Variants in ELAPOR1 observed in about 807,000 individuals in gnomAD.
The protein encoded by ELAPOR1 is endosome-lysosome associated apoptosis and autophagy regulator 1.
ELAPOR1 carries 77 observed loss-of-function variants against 119.7 expected under a neutral mutation model. The ratio of observed to expected loss-of-function variants is 0.64; its 90% CI spans 0.54 to 0.78. The LOEUF is 0.78. Among genes scored for constraint, ELAPOR1 ranks in the 30% least tolerant of loss-of-function variants. The probability of loss-of-function intolerance (pLI) is 0.00; values close to 1 mark genes in which losing one functional copy is unlikely to be tolerated. For missense variants in ELAPOR1, 1,115 were observed against 1,270.4 expected (o/e 0.88, Z 1.86); for synonymous variants, 481 against 487.2 (o/e 0.99, Z 0.17).
chr1:109,160,360 A>G (rs1034286985), intron 1 of ELAPOR1, among the ~76,000 whole-genome samples: 8 of 152,148 alleles, frequency 5.3e-5, no homozygotes, highest in African/African-American at 1.9e-4. Flanking sequence ...ACAAGTCTGA[A>G]ATGCCACTGC....
intron 2 of ELAPOR1, among the ~76,000 whole-genome samples, chr1:109,163,483 C>G (rs1558042190): frequency 6.6e-6 from 1 of 152,160 alleles, no homozygotes; most frequent in Non-Finnish European, 1.5e-5. Flanking sequence ...GCCTCGACCT[C>G]CTGGGCTCAA....
chr1:109,161,809 G>A, intron 1 of ELAPOR1, 85 bp from the exon 2 acceptor site: 1 of 1,481,144 alleles, frequency 6.8e-7, no homozygotes, highest in Non-Finnish European at 9.2e-7. Context: ...AGCATCAGTA[G>A]CCATGGTGCT....
In ELAPOR1 at chr1:109,197,490, T is replaced by A. The variant is rs2101132359; in HGVS notation, c.2138T>A (p.Val713Glu). 1 of 1,614,106 alleles carries A rather than the reference T, an allele frequency of 6.2e-7. No homozygotes were observed. Among genetic ancestry groups the A allele is most frequent in the Admixed American group, 1.7e-5 (1 of 60,022 alleles). The stretch of plus-strand genomic sequence containing the variant: ...CCCAACCAGGGTAGGAAAATGTCTG[T>A]GTGCACCGACAATGTCACTGACCTC... ...LCGNQGRKMS[V>E]CTDNVTDLRI... The change falls in exon 16 of 22, where the codon GTG becomes GAG. Residue 713 changes from valine to glutamate, a missense_variant. Physicochemically the swap from Val to Glu is moderately radical, Grantham distance 121. Transcript: ENST00000369939.
intron 3 of ELAPOR1, among the ~76,000 whole-genome samples, chr1:109,165,941 A>T (rs1651573597): frequency 6.8e-6 from 1 of 147,754 alleles, no homozygotes. Context: ...TTTGAGATGG[A>T]GTCTCGCTCT....
chr1:109,123,521 T>A (rs926867597), intron 1 of ELAPOR1, among the ~76,000 whole-genome samples: 5 of 152,188 alleles, frequency 3.3e-5, no homozygotes, highest in African/African-American at 9.7e-5. Flanking sequence ...AATTGCATAG[T>A]CAAGGAAAAG....
intron 7 of ELAPOR1, among the ~76,000 whole-genome samples, chr1:109,183,592 C>CCTTTCTTCCTTT (rs1558058171): frequency 2.6e-5 from 2 of 77,586 alleles, no homozygotes; most frequent in African/African-American, 9.8e-5. Flanking sequence ...TTCCTTCCTT[C>CCTTTCTTCCTTT]CTTCCTTCCT....
intron 7 of ELAPOR1, among the ~76,000 whole-genome samples, chr1:109,184,021 C>A (rs1287432586): frequency 6.6e-6 from 1 of 152,134 alleles, no homozygotes; most frequent in South Asian, 2.1e-4. Flanking sequence ...TGTACCACTG[C>A]AGTCCAGCCT....
At chr1:109,161,409 C>CAAAA (rs59573644) in intron 1 of ELAPOR1, among the ~76,000 whole-genome samples, 15 of 56,316 alleles carry the variant, frequency 2.7e-4, no homozygotes, top group South Asian at 8.3e-4. Flanking sequence ...GACTCCGTCT[C>CAAAA]AAAAAAAAAA....
chr1:109,118,058 C>T (rs113293015), intron 1 of ELAPOR1, among the ~76,000 whole-genome samples: 56 of 151,376 alleles, frequency 3.7e-4, no homozygotes, highest in African/African-American at 1.3e-3. Context: ...ACCTGGGAGG[C>T]GGAGGTTGCA....
chr1:109,189,615 A>G lies in ELAPOR1; in HGVS notation c.1372A>G (p.Ile458Val). 1 of 1,614,098 alleles carries G rather than the reference A, an allele frequency of 6.2e-7. No homozygotes were observed. The highest frequency in any genetic ancestry group is 2.2e-5 in the East Asian group (1 of 44,884). The part of the protein sequence containing the change: ...MTGWEVAGDH[I>V]YTAAGASDND... The stretch of plus-strand genomic sequence containing the variant: ...AGGCTGGGAGGTGGCTGGTGATCAC[A>G]TTTACACAGCTGCTGGAGCCTCAGA... The change falls in exon 11 of 22, where the codon ATT becomes GTT. Residue 458 changes from isoleucine (I) to valine (V), a missense_variant. By Grantham distance (29) the Ile-to-Val change is conservative. Transcript: ENST00000369939.
At chr1:109,127,284 G>A (rs34127059) in intron 1 of ELAPOR1, among the ~76,000 whole-genome samples, 10,805 of 143,810 alleles carry the variant, frequency 0.075, 497 homozygotes, top group South Asian at 0.19. Context: ...GTACAATCTC[G>A]GCTCACTGCA....
At chr1:109,137,851 G>T (rs1649576576) in intron 1 of ELAPOR1, among the ~76,000 whole-genome samples, 1 of 152,160 alleles carries the variant, frequency 6.6e-6, no homozygotes, top group Non-Finnish European at 1.5e-5. Flanking sequence ...TTTTTAACAA[G>T]TAACCCACAT....
intron 2 of ELAPOR1, 24 bp downstream of exon 2, chr1:109,162,038 C>A: frequency 6.3e-7 from 1 of 1,594,384 alleles, no homozygotes; most frequent in Non-Finnish European, 8.6e-7. Context: ...CTGCTCAGGG[C>A]CTCCCTGTCA....
chr1:109,120,685 C>T, intron 1 of ELAPOR1, among the ~76,000 whole-genome samples: 1 of 152,098 alleles, frequency 6.6e-6, no homozygotes, highest in South Asian at 2.1e-4. Flanking sequence ...ACTGTGGGGA[C>T]ACTCTCTCTT....
At chr1:109,182,622 C>T (rs1055435101) in intron 7 of ELAPOR1, among the ~76,000 whole-genome samples, 13 of 152,046 alleles carry the variant, frequency 8.6e-5, no homozygotes, top group Admixed American at 3.3e-4. Context: ...AATCCCAGCA[C>T]TTTGGGAGGC....
At chr1:109,172,659 A>AGGGACATTGGGGTGGAGG in intron 5 of ELAPOR1, 91 bp downstream of exon 5, 1 of 886,608 alleles carries the variant, frequency 1.1e-6, no homozygotes, top group Non-Finnish European at 1.8e-6. Flanking sequence ...CTGAGCCTCC[A>AGGGACATTGGGGTGGAGG]CCCCAATGTC....
At chr1:109,183,594 T>C (rs1374574622) in intron 7 of ELAPOR1, among the ~76,000 whole-genome samples, 2 of 122,994 alleles carry the variant, frequency 1.6e-5, no homozygotes, top group African/African-American at 5.9e-5. Flanking sequence ...CCTTCCTTCC[T>C]TCCTTCCTTC....
In ELAPOR1 at chr1:109,161,341, C is replaced by T. The variant is rs1007387572; in HGVS notation, c.154-553C>T. Reference sequence around the variant, plus strand: ...AGGAGAATCGCTTGAACCCAGGAGGCGGAGGTTACGGTGAGCCAAGATCAT... The same window carrying T: ...AGGAGAATCGCTTGAACCCAGGAGGTGGAGGTTACGGTGAGCCAAGATCAT... On this transcript the variant is annotated intron_variant, in intron 1 of 21. Coordinates refer to ENST00000369939, the MANE Select transcript of ELAPOR1 (RefSeq NM_020775.5). Among the ~76,000 whole-genome samples the T allele has an allele frequency of 9.0e-4, 123 of 136,470 alleles. 2 individuals are homozygous for T. Among genetic ancestry groups the T allele is most frequent in the African/African-American group, 3.2e-3 (117 of 36,100 alleles). The allele number at this position is 136,470 out of a possible 152,430, so 89.5% of individuals were successfully genotyped here. A position where few individuals can be genotyped will look rare whatever the true frequency, so the allele number is the denominator to read the frequency against.
In ELAPOR1 at chr1:109,144,054, T is replaced by TATATA. The variant is rs1553251774; in HGVS notation, c.154-17840_154-17839insATATA. Among the ~76,000 whole-genome samples, 5 of 26,254 alleles carry TATATA rather than the reference T, an allele frequency of 1.9e-4. 1 individual carries two copies. Among genetic ancestry groups the TATATA allele is most frequent in the African/African-American group, 4.7e-4 (5 of 10,666 alleles). The allele number at this position is 26,254 out of a possible 152,430, so 17.2% of individuals were successfully genotyped here. A position where few individuals can be genotyped will look rare whatever the true frequency, so the allele number is the denominator to read the frequency against. ...AAAATTATATATATATATATATATA[T>TATATA]TTATATATTTTTTTTTTTTTTTGAG... On this transcript the variant is annotated intron_variant, in intron 1 of 21. Coordinates refer to ENST00000369939, the MANE Select transcript of ELAPOR1 (RefSeq NM_020775.5).
Sources: gnomAD v4.1 joint callset for allele counts (sites outside exome capture counted in the v4.1 genomes callset) on GRCh38, gnomAD v4.1.1 for gene constraint, MANE v1.5 for transcripts, NCBI Gene and HGNC (gene_info 2026-07-23, HGNC 2026-07-21) for gene names.